KCND3: variants seen among roughly 807,000 people sequenced by gnomAD.
The protein encoded by KCND3 is A-type voltage-gated potassium channel KCND3.
KCND3 carries 9 observed loss-of-function variants against 51.1 expected under a neutral mutation model. The observed-to-expected ratio is 0.18, with a 90% CI of 0.11 to 0.31. The LOEUF is 0.31. Among genes scored for constraint, KCND3 ranks in the 10% least tolerant of loss-of-function variants. The pLI, the probability that KCND3 is intolerant of heterozygous loss-of-function variation, is 1.00. For synonymous variants in KCND3, 349 were observed against 368.0 expected, an observed-to-expected ratio of 0.95 and a Z score of 0.59; for missense variants, 526 against 903.8, an observed-to-expected ratio of 0.58 and a Z score of 5.36.
intron 2 of KCND3, among the ~76,000 whole-genome samples, chr1:111,894,120 T>C (rs1348213764): frequency 6.6e-6 from 1 of 152,138 alleles, no homozygotes; most frequent in East Asian, 1.9e-4. Flanking sequence ...GGCTAAATCT[T>C]CCCCAGCCTA....
chr1:111,968,396 G>A (rs1167678066), intron 2 of KCND3, among the ~76,000 whole-genome samples: 2 of 152,196 alleles, frequency 1.3e-5, no homozygotes, highest in Non-Finnish European at 2.9e-5. Context: ...CACATAAGCT[G>A]TATTGATCTT....
Position 111,805,764 on chromosome 1 carries a change from G to A in KCND3, c.1107-18658C>T, listed in dbSNP as rs920310655. Among the ~76,000 whole-genome samples the A allele has an allele frequency of 5.9e-5, 9 of 152,360 alleles. No individual in the cohort carries two copies. In the East Asian group the frequency reaches 1.7e-3, roughly 29 times the overall value. On this transcript the variant is annotated intron_variant, in intron 2 of 7. Transcript: ENST00000302127. ...AAGGAGAATTCAATGAGCCACCTGTGTGGACGGTGTGAAAATTCCCCGCGG... is the reference window on the plus strand; with the variant it reads ...AAGGAGAATTCAATGAGCCACCTGTATGGACGGTGTGAAAATTCCCCGCGG...
At chr1:111,784,129 A>C (rs1664508830) in intron 3 of KCND3, among the ~76,000 whole-genome samples, 1 of 151,776 alleles carries the variant, frequency 6.6e-6, no homozygotes, top group African/African-American at 2.4e-5. Context: ...ACACACACAC[A>C]CACACACACA....
At chr1:111,963,066 G>T (rs1251239828) in intron 2 of KCND3, among the ~76,000 whole-genome samples, 1 of 152,144 alleles carries the variant, frequency 6.6e-6, no homozygotes, top group Admixed American at 6.5e-5. Context: ...CCAGATATGT[G>T]ATTGAGGCCA....
chr1:111,926,620 G>GT (rs958428140), intron 2 of KCND3, among the ~76,000 whole-genome samples: 2 of 152,284 alleles, frequency 1.3e-5, no homozygotes, highest in African/African-American at 4.8e-5. Flanking sequence ...TGAGGCTAGA[G>GT]TGGGGAAGTG....
At chr1:111,852,913 C>T (rs1451553282) in intron 2 of KCND3, among the ~76,000 whole-genome samples, 1 of 152,162 alleles carries the variant, frequency 6.6e-6, no homozygotes, top group East Asian at 1.9e-4. Flanking sequence ...CCCACAGCAC[C>T]CTTTCCCTCC....
rs145829009 is a variant in KCND3 at position 111,836,342 on chromosome 1, G to A, written c.1107-49236C>T. On this transcript the variant is annotated intron_variant, in intron 2 of 7. Transcript: ENST00000302127. ...GCGGGCAGCTTGGCAATGACTCCCC[G>A]TCTCTCGCACCAGCCCGATCGCACT... 3.3e-3 allele frequency among the ~76,000 whole-genome samples: 504 copies of A among 152,248 alleles called. 6 individuals carry two copies. Among genetic ancestry groups the A allele is most frequent in the African/African-American group, 0.011 (445 of 41,552 alleles).
intron 2 of KCND3, among the ~76,000 whole-genome samples, chr1:111,891,552 C>T (rs604247): frequency 0.03 from 4,506 of 152,222 alleles, 233 homozygotes; most frequent in African/African-American, 0.1. Flanking sequence ...CACCAACACC[C>T]TCTCAGGGAG....
In KCND3 at chr1:111,951,583, T is replaced by C. The variant is rs372179918; in HGVS notation, c.1106+30038A>G. 3.3e-5 allele frequency among the ~76,000 whole-genome samples: 5 copies of C among 152,206 alleles called. No homozygotes were observed. In the South Asian group the frequency reaches 1.0e-3, roughly 32 times the overall value. On this transcript the variant is annotated intron_variant, in intron 2 of 7. Transcript: ENST00000302127. ...CTCATTCATTCATTCAACAAATACT[T>C]ACTGAGCACCTTCTATGTGCCAAGT...
chr1:111,826,575 T>G (rs1181920260), intron 2 of KCND3, among the ~76,000 whole-genome samples: 1 of 152,172 alleles, frequency 6.6e-6, no homozygotes, highest in Non-Finnish European at 1.5e-5. Flanking sequence ...CTCAGGGCTC[T>G]TAATCTTTCT....
intron 2 of KCND3, among the ~76,000 whole-genome samples, chr1:111,873,389 T>A (rs1668911739): frequency 6.6e-6 from 1 of 152,146 alleles, no homozygotes; most frequent in South Asian, 2.1e-4. Flanking sequence ...TGGTGTGGCA[T>A]GTGGTATGGA....
intron 2 of KCND3, among the ~76,000 whole-genome samples, chr1:111,841,694 G>A (rs1667327020): frequency 6.6e-6 from 1 of 152,214 alleles, no homozygotes; most frequent in Admixed American, 6.5e-5. Flanking sequence ...TGCAGAAAAT[G>A]AGGCCACCAC....
At chr1:111,944,188 C>CCCCTCTGT (rs1406957401) in intron 2 of KCND3, among the ~76,000 whole-genome samples, 1 of 152,174 alleles carries the variant, frequency 6.6e-6, no homozygotes, top group Admixed American at 6.5e-5. Flanking sequence ...GAAGCCCAGG[C>CCCCTCTGT]CCCTCTGTCC....
Position 111,777,128 on chromosome 1 carries a change from G to C in KCND3, c.1664C>G (p.Thr555Arg), listed in dbSNP as rs753053248. Residue 555 changes from threonine to arginine, a missense_variant, in exon 7 of 8, where the codon ACA becomes AGA. By Grantham distance (71) the Thr-to-Arg change is moderately conservative (BLOSUM62 -1). Around this residue, in one of 5 missense-constraint regions of KCND3, gnomAD observed 266 missense variants for 305.5 expected, o/e 0.87. Coordinates refer to ENST00000302127, the MANE Select transcript of KCND3 (RefSeq NM_001378969.1). ...TGGCAGGTTAGAATTGGGCAGGTGT[G>C]TGGTCTTCTTACTACGACGGGAGCA... Reference protein sequence around the residue: ...TCCSRRSKKTTHLPNSNLPAT... With the variant: ...TCCSRRSKKTRHLPNSNLPAT... The C allele has an allele frequency of 1.2e-6, 2 of 1,614,176 alleles. No homozygotes were observed. The highest frequency in any genetic ancestry group is 1.7e-6 in the Non-Finnish European group (2 of 1,180,020).
intron 2 of KCND3, among the ~76,000 whole-genome samples, chr1:111,829,534 G>A (rs934983212): frequency 6.6e-6 from 1 of 152,120 alleles, no homozygotes. Flanking sequence ...AGGGATGGGG[G>A]AAAGACTACA....
chr1:111,799,155 C>T (rs1380015763), intron 2 of KCND3, among the ~76,000 whole-genome samples: 1 of 152,146 alleles, frequency 6.6e-6, no homozygotes, highest in African/African-American at 2.4e-5. Flanking sequence ...CAGAGGTAAA[C>T]ATTCTTAACC....
chr1:111,782,052 G>C (rs1355667308), intron 3 of KCND3, among the ~76,000 whole-genome samples: 1 of 152,162 alleles, frequency 6.6e-6, no homozygotes, highest in African/African-American at 2.4e-5. Context: ...TGGAGTAGAA[G>C]GTCCCTCCTC....
At chr1:111,989,220 G>A (rs1363216689) in intron 1 of KCND3, 1 of 152,294 alleles carries the variant, frequency 6.6e-6, no homozygotes, top group African/African-American at 2.4e-5. Context: ...ACCCGCCGAG[G>A]GAAGACAGGC....
intron 2 of KCND3, among the ~76,000 whole-genome samples, chr1:111,787,733 A>G (rs1255360319): frequency 6.6e-6 from 1 of 152,214 alleles, no homozygotes; most frequent in Admixed American, 6.5e-5. Context: ...CTCATTTATG[A>G]TGATAACAAC....
Sources: allele counts gnomAD v4.1 joint callset (sites outside exome capture counted in the v4.1 genomes callset), GRCh38; gene constraint gnomAD v4.1.1; regional missense constraint gnomAD v4.1.1; transcripts MANE v1.5; gene names NCBI Gene and HGNC (gene_info 2026-07-23, HGNC 2026-07-21).